IFFO2: variants seen among roughly 807,000 people sequenced by gnomAD.
IFFO2 encodes the protein intermediate filament family orphan 2.
In IFFO2, 19 loss-of-function variants were observed where a neutral mutation model predicts 53.5. The ratio of observed to expected loss-of-function variants is 0.36; its 90% confidence interval spans 0.25 to 0.52. The LOEUF (loss-of-function observed/expected upper bound fraction) is 0.52. Ranked by LOEUF, IFFO2 falls within the 20% of genes least tolerant of loss-of-function variation. The probability of loss-of-function intolerance (pLI) is 0.94; values close to 1 mark genes in which losing one functional copy is unlikely to be tolerated. For missense variants in IFFO2, 570 were observed against 727.4 expected (o/e 0.78, Z 2.49); for synonymous variants, 303 against 313.6 (o/e 0.97, Z 0.36).
At chr1:18,913,056 G>C (rs1936064270) in intron 5 of IFFO2, among the ~76,000 whole-genome samples, 1 of 152,220 alleles carries the variant, frequency 6.6e-6, no homozygotes, top group Non-Finnish European at 1.5e-5. Flanking sequence ...TGTGGACCCT[G>C]TCTCCAGGCT....
intron 1 of IFFO2, among the ~76,000 whole-genome samples, chr1:18,935,893 G>A (rs1231049357): frequency 8.1e-6 from 1 of 123,126 alleles, no homozygotes; most frequent in Non-Finnish European, 1.6e-5. Context: ...TTTTTGTAGA[G>A]ACAAGGTCTC....
Position 18,918,580 on chromosome 1 carries a change from C to T in IFFO2, c.823-78G>A, listed in dbSNP as rs1936169576. 6.8e-7 allele frequency: 1 copy of T among 1,473,852 alleles called. No homozygotes were observed. Among genetic ancestry groups the T allele is most frequent in the Non-Finnish European group, 9.2e-7 (1 of 1,083,346 alleles). The allele number at this position is 1,473,852 out of a possible 1,614,324, so 91.3% of individuals were successfully genotyped here. A position where few individuals can be genotyped will look rare whatever the true frequency, so the allele number is the denominator to read the frequency against. ...GGGCTTGGCAGAGAGGTGGGGAGACCCCTAGGTGTCAGCAGGGGTGGTGCG... is the reference window on the plus strand; with the variant it reads ...GGGCTTGGCAGAGAGGTGGGGAGACTCCTAGGTGTCAGCAGGGGTGGTGCG... On this transcript the variant is annotated intron_variant, in intron 3 of 8. Coordinates refer to ENST00000455833, the MANE Select transcript of IFFO2 (RefSeq NM_001136265.2). The surrounding 1 kb of genome is among the most constrained non-coding windows in gnomAD (Gnocchi z 5.2).
rs952501215 is a variant in IFFO2, at chr1:18,908,711, GC to G, written c.1449-46del. The G allele has an allele frequency of 7.2e-6, 10 of 1,390,132 alleles. No homozygotes were observed. In the Admixed American group the frequency reaches 1.8e-4, roughly 25 times the overall value. The allele number at this position is 1,390,132 out of a possible 1,614,324, so 86.1% of individuals were successfully genotyped here. On this transcript the variant is annotated intron_variant, in intron 8 of 8. Coordinates refer to ENST00000455833, the MANE Select transcript of IFFO2 (RefSeq NM_001136265.2). ...GGGGAAATTCAGAGAGCAGCCCTGG[GC>G]CTCTGAAGGGTCAAGGAGTGGGAAG...
chr1:18,907,560 G>C lies in IFFO2; in HGVS notation c.*1001C>G, dbSNP rs1379371893. ...ATCTCTAAGCCTCTATTGTTGGCTGGCGAGGGAGGGAAGAACATCAAGTTA... is the reference window on the plus strand; with the variant it reads ...ATCTCTAAGCCTCTATTGTTGGCTGCCGAGGGAGGGAAGAACATCAAGTTA... On this transcript the variant is annotated 3_prime_UTR_variant, in exon 9 of 9. Transcript: ENST00000455833. 1.3e-5 allele frequency: 2 copies of C among 152,250 alleles called. No homozygotes were observed. The highest frequency in any genetic ancestry group is 4.8e-5 in the African/African-American group (2 of 41,442). 9.4% of individuals were successfully genotyped at this position (152,250 alleles called of 1,614,324 possible). A position where few individuals can be genotyped will look rare whatever the true frequency, so the allele number is the denominator to read the frequency against.
intron 8 of IFFO2, among the ~76,000 whole-genome samples, chr1:18,909,342 C>T (rs914376935): frequency 3.3e-5 from 5 of 152,160 alleles, no homozygotes; most frequent in Non-Finnish European, 7.3e-5. Flanking sequence ...GGCTGTCCCC[C>T]GATAAGGCTG....
chr1:18,956,099 G>A lies in IFFO2; in HGVS notation c.234C>T (p.Asn78=), dbSNP rs1450057451. Residue 78 remains asparagine, a synonymous_variant, in exon 1 of 9, where the codon AAC becomes AAT. Coordinates refer to ENST00000455833, the MANE Select transcript of IFFO2 (RefSeq NM_001136265.2). This position sits in a 1 kb window ranked among gnomAD's most constrained non-coding sequence, Gnocchi z 6.4. ...LAKVHELERR[N]RLLEKQLEQQ... is the part of the protein sequence containing the mutation. ...GCTCCAGCTGCTTCTCCAGCAGCCG[G>A]TTGCGCCGCTCCAGCTCGTGCACCT... is the stretch of plus-strand genomic sequence containing the variant. 12 of 1,504,250 alleles carry A rather than the reference G, an allele frequency of 8.0e-6. No individual in the cohort carries two copies. The highest frequency in any genetic ancestry group is 3.5e-4 in the Middle Eastern group (2 of 5,752). The allele number at this position is 1,504,250 out of a possible 1,614,324, so 93.2% of individuals were successfully genotyped here. A position where few individuals can be genotyped will look rare whatever the true frequency, so the allele number is the denominator to read the frequency against.
chr1:18,944,158 C>A (rs1479876816), intron 1 of IFFO2, among the ~76,000 whole-genome samples: 1 of 152,142 alleles, frequency 6.6e-6, no homozygotes, highest in Non-Finnish European at 1.5e-5. Flanking sequence ...CGTGAATATG[C>A]AAATAGGGGT....
chr1:18,911,476 G>C lies in IFFO2; in HGVS notation c.1225C>G (p.Gln409Glu). The change falls in exon 7 of 9, where the codon CAA becomes GAA. Residue 409 changes from glutamine to glutamate, a missense_variant and splice_region_variant. Gln to Glu is a conservative substitution (Grantham distance 29, BLOSUM62 2). Transcript: ENST00000455833. ...CNPTIDLQGEQEENLGNLIHE... is the reference protein window; with the variant it reads ...CNPTIDLQGEEEENLGNLIHE... ...ATCAAGTTGCCCAAGTTTTCCTCTTGCTGGGGAAATAGAACAAACGGGACA... is the reference window on the plus strand; with the variant it reads ...ATCAAGTTGCCCAAGTTTTCCTCTTCCTGGGGAAATAGAACAAACGGGACA... 6.8e-7 allele frequency: 1 copy of C among 1,479,430 alleles called. No individual in the cohort carries two copies. Among genetic ancestry groups the C allele is most frequent in the Non-Finnish European group, 9.1e-7 (1 of 1,104,580 alleles). The allele number at this position is 1,479,430 out of a possible 1,614,324, so 91.6% of individuals were successfully genotyped here. A position where few individuals can be genotyped will look rare whatever the true frequency, so the allele number is the denominator to read the frequency against.
At chr1:18,932,729 G>T (rs1176111386) in intron 1 of IFFO2, among the ~76,000 whole-genome samples, 2 of 152,230 alleles carry the variant, frequency 1.3e-5, no homozygotes, top group Non-Finnish European at 2.9e-5. Flanking sequence ...CAGCTGGAGG[G>T]CAGTTCCTCT....
chr1:18,924,577 G>T (rs998163547), intron 1 of IFFO2, among the ~76,000 whole-genome samples: 2 of 152,212 alleles, frequency 1.3e-5, no homozygotes, highest in African/African-American at 2.4e-5. Flanking sequence ...CCCAGCCCAT[G>T]GCTGAGCAAA....
At chr1:18,932,593 A>G (rs544216716) in intron 1 of IFFO2, among the ~76,000 whole-genome samples, 1 of 152,364 alleles carries the variant, frequency 6.6e-6, no homozygotes, top group South Asian at 2.1e-4. Context: ...GTAGTAAATG[A>G]GTCAACACAC....
chr1:18,915,483 C>T (rs141258379), intron 5 of IFFO2, among the ~76,000 whole-genome samples: 3 of 152,100 alleles, frequency 2.0e-5, no homozygotes, highest in Non-Finnish European at 2.9e-5. Flanking sequence ...CCAGCAGGCT[C>T]GCCCACCACT....
chr1:18,944,375 G>A (rs1161576339), intron 1 of IFFO2, among the ~76,000 whole-genome samples: 2 of 152,110 alleles, frequency 1.3e-5, no homozygotes, highest in African/African-American at 2.4e-5. Context: ...CAGCCAGGGC[G>A]ATCGGGGGCC....
At chr1:18,911,507 T>TTTTTTTTA (rs1936037778) in intron 6 of IFFO2, 31 bp from the exon 7 acceptor site, 10 of 527,896 alleles carry the variant, frequency 1.9e-5, no homozygotes, top group Admixed American at 4.7e-5. Context: ...GGACAGTTTA[T>TTTTTTTTA]TTTATTTATT....
chr1:18,946,139 G>A (rs902485553), intron 1 of IFFO2, among the ~76,000 whole-genome samples: 2 of 152,172 alleles, frequency 1.3e-5, no homozygotes, highest in Admixed American at 6.5e-5. Context: ...AAAAGAAACC[G>A]CAGTGTGGGT....
At position 18,919,334 on chromosome 1, in the gene IFFO2, C is replaced by A. The variant is rs896831794; in HGVS notation, c.822+344G>T. On this transcript the variant is annotated intron_variant, in intron 3 of 8. Coordinates refer to ENST00000455833, the MANE Select transcript of IFFO2 (RefSeq NM_001136265.2). The surrounding 1 kb of genome is among the most constrained non-coding windows in gnomAD (Gnocchi z 4.9). The stretch of plus-strand genomic sequence containing the variant: ...GGCACCTGGCCCAACCTGCCAGACG[C>A]CCTGCTACGCCCAGACACCGAGGCC... Among the ~76,000 whole-genome samples the A allele has an allele frequency of 2.6e-5, 4 of 152,222 alleles. No individual in the cohort carries two copies. Among genetic ancestry groups the A allele is most frequent in the Admixed American group, 2.6e-4 (4 of 15,290 alleles).
rs1396118628 is a variant in IFFO2 at position 18,917,214 on chromosome 1, C to CGAGGTGG, written c.964-179_964-173dup. Among the ~76,000 whole-genome samples, 2 of 152,084 alleles carry CGAGGTGG rather than the reference C, an allele frequency of 1.3e-5. No homozygotes were observed. The highest frequency in any genetic ancestry group is 4.8e-5 in the African/African-American group (2 of 41,396). On this transcript the variant is annotated intron_variant, in intron 4 of 8. Transcript: ENST00000455833. This position sits in a 1 kb window ranked among gnomAD's most constrained non-coding sequence, Gnocchi z 5.9. ...AAGCAGGCGGCGTTAGCAGGAAGCG[C>CGAGGTGG]GAGGTGGGAGACATGCAGGGGGACA...
chr1:18,909,503 C>A (rs1014672496), intron 8 of IFFO2, among the ~76,000 whole-genome samples: 1 of 152,132 alleles, frequency 6.6e-6, no homozygotes, highest in Non-Finnish European at 1.5e-5. Flanking sequence ...ATAATCCCCA[C>A]GTGTCATGAG....
chr1:18,938,584 C>T lies in IFFO2; in HGVS notation c.665+17084G>A, dbSNP rs540197155. 3.3e-5 allele frequency among the ~76,000 whole-genome samples: 5 copies of T among 152,310 alleles called. No homozygotes were observed. The East Asian group carries it at 9.7e-4, about 29-fold the overall frequency. On this transcript the variant is annotated intron_variant, in intron 1 of 8. Transcript: ENST00000455833. ...ACTGGGCGTAACCACCAGCAGGCCT[C>T]GGGGGAAGCCCAGCTCTGCCTGTGC...
Sources: allele counts gnomAD v4.1 joint callset (sites outside exome capture counted in the v4.1 genomes callset), GRCh38; gene constraint gnomAD v4.1.1; non-coding constraint Gnocchi (gnomAD v3.1); transcripts MANE v1.5; gene names NCBI Gene and HGNC (gene_info 2026-07-23, HGNC 2026-07-21).